The following ARHGAP39 variants were observed in gnomAD, a reference collection of about 807,000 sequenced individuals.
The protein encoded by ARHGAP39 is Rho GTPase activating protein 39, also known as rho GTPase-activating protein 39.
In ARHGAP39, 44 loss-of-function variants were observed where a neutral mutation model predicts 106.9. The observed-to-expected ratio is 0.41, with a 90% CI of 0.32 to 0.53. The LOEUF (loss-of-function observed/expected upper bound fraction) is 0.53, where lower values mean the gene tolerates loss of function less well. ARHGAP39 is among the 20% of genes least tolerant of loss of function. ARHGAP39 has a pLI of 0.21. For synonymous variants in ARHGAP39, 768 were observed against 693.2 expected, an observed-to-expected ratio of 1.11 and a Z score of -1.69; for missense variants, 1,496 against 1,577.3, an observed-to-expected ratio of 0.95 and a Z score of 0.87.
chr8:144,561,835 CGGGCTCCAGTGGTTTCCATT>C lies in ARHGAP39; in HGVS notation c.513-6212_513-6193del, dbSNP rs1209107214. On this transcript the variant is annotated intron_variant, in intron 3 of 11. Coordinates refer to ENST00000377307, the MANE Select transcript of ARHGAP39 (RefSeq NM_025251.3). ...TCCATCACATCCCAGTGGTTTCCAT[CGGGCTCCAGTGGTTTCCATT>C]GGACTCACCCCAGTGGTTTCCATCA... Among the ~76,000 whole-genome samples the C allele has an allele frequency of 2.2e-4, 32 of 148,630 alleles. 1 individual carries two copies. The highest frequency in any genetic ancestry group is 8.1e-4 in the African/African-American group (32 of 39,530).
chr8:144,621,696 T>C (rs1463295273), intron 1 of ARHGAP39, among the ~76,000 whole-genome samples: 1 of 152,214 alleles, frequency 6.6e-6, no homozygotes, highest in Non-Finnish European at 1.5e-5. Flanking sequence ...TGCACATCCA[T>C]AGTCCCAGCT....
At chr8:144,672,923 A>G (rs1487672519) in intron 1 of ARHGAP39, among the ~76,000 whole-genome samples, 1 of 152,100 alleles carries the variant, frequency 6.6e-6, no homozygotes, top group South Asian at 2.1e-4. Flanking sequence ...CTGAAATTTG[A>G]CGCTGATCAG....
chr8:144,554,705 C>T (rs1051930133), intron 4 of ARHGAP39, among the ~76,000 whole-genome samples: 17 of 152,174 alleles, frequency 1.1e-4, no homozygotes, highest in South Asian at 8.3e-4. Flanking sequence ...GATGAGGAAA[C>T]GGAAGCTCGG....
intron 7 of ARHGAP39, among the ~76,000 whole-genome samples, chr8:144,535,966 G>A (rs1202817333): frequency 2.0e-5 from 3 of 152,192 alleles, no homozygotes; most frequent in Non-Finnish European, 4.4e-5. Context: ...TTCACTCTGG[G>A]GGTCAGGCTG....
rs370132736 is a variant in ARHGAP39 at position 144,533,110 on chromosome 8, G to A, written c.2888+16C>T. 1.3e-5 allele frequency: 21 copies of A among 1,592,254 alleles called. No individual in the cohort carries two copies. The South Asian group carries it at 1.4e-4, about 11-fold the overall frequency. On this transcript the variant is annotated intron_variant, in intron 9 of 11. Coordinates refer to ENST00000377307, the MANE Select transcript of ARHGAP39 (RefSeq NM_025251.3). ...GCTGTGGCCCCCACACCCGGCGCCCGGGGTTGCCGTGGCACCTGAAGATGC... is the reference window on the plus strand; with the variant it reads ...GCTGTGGCCCCCACACCCGGCGCCCAGGGTTGCCGTGGCACCTGAAGATGC...
chr8:144,686,365 G>A (rs963524714), upstream of ARHGAP39, among the ~76,000 whole-genome samples: 6 of 152,028 alleles, frequency 3.9e-5, no homozygotes, highest in Non-Finnish European at 8.8e-5. Context: ...CTCGACTAGT[G>A]CTCTATTCGG....
chr8:144,693,358 C>T, the ARHGAP39 span, among the ~76,000 whole-genome samples: 5,353 of 150,286 alleles, frequency 0.036, 288 homozygotes, highest in African/African-American at 0.12. Flanking sequence ...CCACCGCGCC[C>T]GGCAGTAAAA....
At chr8:144,622,490 C>T (rs530043032) in intron 1 of ARHGAP39, among the ~76,000 whole-genome samples, 3 of 152,080 alleles carry the variant, frequency 2.0e-5, no homozygotes, top group African/African-American at 7.2e-5. Context: ...AGGGCCAGAG[C>T]GGCTGTGCCC....
Position 144,600,262 on chromosome 8 carries a change from G to A in ARHGAP39, c.80+5273C>T, listed in dbSNP as rs140334277. On this transcript the variant is annotated intron_variant, in intron 2 of 11. Coordinates refer to ENST00000377307, the MANE Select transcript of ARHGAP39 (RefSeq NM_025251.3). ...TACCTACCTGCGTGTGCGTGTGCGT[G>A]GGGGTGTCTGTGTGCTCCTGTACCC... Among the ~76,000 whole-genome samples, 910 of 150,844 alleles carry A rather than the reference G, an allele frequency of 6.0e-3. 5 individuals are homozygous for A. Among genetic ancestry groups the A allele is most frequent in the Non-Finnish European group, 9.9e-3 (672 of 67,724 alleles).
chr8:144,635,593 T>C (rs1267002050), intron 1 of ARHGAP39, among the ~76,000 whole-genome samples: 2 of 152,206 alleles, frequency 1.3e-5, no homozygotes, highest in African/African-American at 2.4e-5. Context: ...GATTTGTACC[T>C]GGTTGGTCAG....
chr8:144,628,979 A>T (rs1417300481), intron 1 of ARHGAP39, among the ~76,000 whole-genome samples: 3 of 152,010 alleles, frequency 2.0e-5, no homozygotes, highest in Admixed American at 1.3e-4. Flanking sequence ...TGGCGGATGC[A>T]TCTCCCACCA....
At position 144,530,353 on chromosome 8, in the gene ARHGAP39, G is replaced by A. The variant is rs1816627076; in HGVS notation, c.*69C>T. 2 of 1,486,512 alleles carry A rather than the reference G, an allele frequency of 1.3e-6. No homozygotes were observed. Among genetic ancestry groups the A allele is most frequent in the Admixed American group, 2.0e-5 (1 of 49,662 alleles). 92.1% of individuals were successfully genotyped at this position (1,486,512 alleles called of 1,614,324 possible). On this transcript the variant is annotated 3_prime_UTR_variant, in exon 12 of 12. Transcript: ENST00000377307. ...CCGGGCGATTCTGGCCCCTCTGCCG[G>A]GAGAGCGAGTGCGGAGTTCGGCCTG... is the stretch of plus-strand genomic sequence containing the variant.
rs564784063 is a variant in ARHGAP39, at chr8:144,611,106, A to C, written c.-81-5411T>G. On this transcript the variant is annotated intron_variant, in intron 1 of 11. Coordinates refer to ENST00000377307, the MANE Select transcript of ARHGAP39 (RefSeq NM_025251.3). Reference sequence around the variant, plus strand: ...AGTGCTGGGATTACAGGCGTGAGCCATCACGCCCAGCCTCAGAAAGCTTTC... The same window carrying C: ...AGTGCTGGGATTACAGGCGTGAGCCCTCACGCCCAGCCTCAGAAAGCTTTC... 3.9e-5 allele frequency among the ~76,000 whole-genome samples: 6 copies of C among 152,384 alleles called. No individual in the cohort carries two copies. The South Asian group carries it at 1.2e-3, about 32-fold the overall frequency.
intron 2 of ARHGAP39, among the ~76,000 whole-genome samples, chr8:144,582,138 A>T (rs1351190936): frequency 2.0e-5 from 3 of 152,106 alleles, no homozygotes; most frequent in Non-Finnish European, 4.4e-5. Context: ...GCTCAACAGA[A>T]GGGGAGGCAA....
At chr8:144,535,216 G>A (rs1418168507) in intron 7 of ARHGAP39, among the ~76,000 whole-genome samples, 2 of 152,254 alleles carry the variant, frequency 1.3e-5, no homozygotes, top group African/African-American at 4.8e-5. Context: ...GGGGTCCTTG[G>A]ACCAGGTTAA....
the ARHGAP39 span, among the ~76,000 whole-genome samples, chr8:144,699,437 G>C: frequency 7.6e-6 from 1 of 131,918 alleles, no homozygotes; most frequent in East Asian, 2.2e-4. Context: ...TCATAGGTTG[G>C]GGCCTTGAGG....
intron 1 of ARHGAP39, among the ~76,000 whole-genome samples, chr8:144,640,381 G>T (rs940218174): frequency 6.6e-6 from 1 of 152,120 alleles, no homozygotes; most frequent in Non-Finnish European, 1.5e-5. Context: ...TGCTGTTTTC[G>T]TGATAGTGAA....
At chr8:144,553,370 G>C (rs1280854389) in intron 4 of ARHGAP39, among the ~76,000 whole-genome samples, 1 of 152,180 alleles carries the variant, frequency 6.6e-6, no homozygotes, top group Non-Finnish European at 1.5e-5. Flanking sequence ...CAGTCTACAA[G>C]TGCAACTCTG....
Position 144,581,127 on chromosome 8 carries a change from C to T in ARHGAP39, c.231G>A (p.Thr77=), listed in dbSNP as rs1192556084. The T allele has an allele frequency of 3.1e-6, 5 of 1,590,978 alleles. No individual in the cohort carries two copies. Among genetic ancestry groups the T allele is most frequent in the South Asian group, 2.3e-5 (2 of 87,608 alleles). The change falls in exon 3 of 12, where the codon ACG becomes ACA. Residue 77 remains threonine, a synonymous_variant. Coordinates refer to ENST00000377307, the MANE Select transcript of ARHGAP39 (RefSeq NM_025251.3). ...TGGCATTGTAGTAGTAGAAGCGGGACGTGTTGGGGTCGAACAGCTCCCACC... is the reference window on the plus strand; with the variant it reads ...TGGCATTGTAGTAGTAGAAGCGGGATGTGTTGGGGTCGAACAGCTCCCACC... ...NQWWELFDPN[T]SRFYYYNAST... is the part of the protein sequence containing the mutation.
Sources: allele counts gnomAD v4.1 joint callset (sites outside exome capture counted in the v4.1 genomes callset), GRCh38; gene constraint gnomAD v4.1.1; transcripts MANE v1.5; gene names NCBI Gene and HGNC (gene_info 2026-07-23, HGNC 2026-07-21).